The following SORCS2 variants were observed in gnomAD, a reference collection of about 807,000 sequenced individuals.
SORCS2 encodes VPS10 domain-containing receptor SorCS2.
A neutral mutation model predicts 141.6 loss-of-function variants in SORCS2; 100 were observed. The ratio of observed to expected loss-of-function variants is 0.71; its 90% confidence interval spans 0.60 to 0.83. SORCS2 has a LOEUF of 0.83. Ranked by LOEUF, SORCS2 falls within the 40% of genes least tolerant of loss-of-function variation. The pLI is 0.00. For synonymous variants in SORCS2, 789 were observed against 676.9 expected, an observed-to-expected ratio of 1.17 and a Z score of -2.57; for missense variants, 1,646 against 1,560.2, an observed-to-expected ratio of 1.05 and a Z score of -0.93.
chr4:7,687,650 C>T (rs1723961388), intron 10 of SORCS2, among the ~76,000 whole-genome samples: 2 of 152,192 alleles, frequency 1.3e-5, no homozygotes, highest in South Asian at 2.1e-4. Context: ...TCAGGATGTG[C>T]GTCTGCAATG....
chr4:7,197,110 G>A (rs1275422679), intron 1 of SORCS2, among the ~76,000 whole-genome samples: 1 of 152,124 alleles, frequency 6.6e-6, no homozygotes, highest in African/African-American at 2.4e-5. Flanking sequence ...TTCCTTCTGC[G>A]GCCTCTCTCC....
At position 7,298,152 on chromosome 4, in the gene SORCS2, C is replaced by T. The variant is rs933503930; in HGVS notation, c.481-98136C>T. Among the ~76,000 whole-genome samples, 5 of 152,170 alleles carry T rather than the reference C, an allele frequency of 3.3e-5. No individual in the cohort carries two copies. In the East Asian group the frequency reaches 9.7e-4, roughly 29 times the overall value. On this transcript the variant is annotated intron_variant, in intron 1 of 26. Transcript: ENST00000507866. ...GGGGACAGAGGGGAACAGAGCGTGGCCTTGGAGGCTGTGTGCACCGCAGGC... is the reference window on the plus strand; with the variant it reads ...GGGGACAGAGGGGAACAGAGCGTGGTCTTGGAGGCTGTGTGCACCGCAGGC...
intron 2 of SORCS2, among the ~76,000 whole-genome samples, chr4:7,495,461 C>T (rs190795680): frequency 6.6e-6 from 1 of 152,322 alleles, no homozygotes; most frequent in Non-Finnish European, 1.5e-5. Context: ...CCTTGCTTTC[C>T]CCATCCATCA....
chr4:7,623,684 C>T (rs1486861517), intron 3 of SORCS2, among the ~76,000 whole-genome samples: 1 of 152,174 alleles, frequency 6.6e-6, no homozygotes, highest in Non-Finnish European at 1.5e-5. Context: ...GGGCACCTCG[C>T]TGTCTCTATG....
At chr4:7,382,511 G>A (rs4689111) in intron 1 of SORCS2, among the ~76,000 whole-genome samples, 28,517 of 152,060 alleles carry the variant, frequency 0.19, 2,941 homozygotes, top group African/African-American at 0.26. Flanking sequence ...CCAGGGAGCC[G>A]GGAAGGCCTT....
chr4:7,642,856 G>A (rs1720835547), intron 4 of SORCS2, among the ~76,000 whole-genome samples: 1 of 152,178 alleles, frequency 6.6e-6, no homozygotes, highest in Non-Finnish European at 1.5e-5. Flanking sequence ...AGGGGGCAGA[G>A]GCTCCAGGGG....
At position 7,411,197 on chromosome 4, in the gene SORCS2, A is replaced by G. The variant is rs936051003; in HGVS notation, c.548+14842A>G. ...TCTCCGTCTCTTGAACTCGTGATCC[A>G]CCCACCTTGGCCTCCCAAAGTGCTG... On this transcript the variant is annotated intron_variant, in intron 2 of 26. Coordinates refer to ENST00000507866, the MANE Select transcript of SORCS2 (RefSeq NM_020777.3). 1.3e-4 allele frequency among the ~76,000 whole-genome samples: 19 copies of G among 151,492 alleles called. No individual in the cohort carries two copies. The East Asian group carries it at 2.9e-3, about 23-fold the overall frequency.
chr4:7,476,545 C>G (rs1730304053), intron 2 of SORCS2, among the ~76,000 whole-genome samples: 1 of 151,904 alleles, frequency 6.6e-6, no homozygotes, highest in Non-Finnish European at 1.5e-5. Flanking sequence ...ATAGCCTAGA[C>G]AGGTTGACAC....
chr4:7,336,267 G>T (rs1332804022), intron 1 of SORCS2, among the ~76,000 whole-genome samples: 1 of 152,174 alleles, frequency 6.6e-6, no homozygotes, highest in East Asian at 1.9e-4. Flanking sequence ...TCTGCTGAAG[G>T]GAGGAGAAGC....
chr4:7,424,673 C>A (rs982992952), intron 2 of SORCS2, among the ~76,000 whole-genome samples: 1 of 152,196 alleles, frequency 6.6e-6, no homozygotes, highest in African/African-American at 2.4e-5. Flanking sequence ...AGCAGCTCCC[C>A]AGCCCAGAGT....
chr4:7,374,129 CTCTTTCTTTCTTTCTT>C (rs1162945229), intron 1 of SORCS2, among the ~76,000 whole-genome samples: 233 of 51,854 alleles, frequency 4.5e-3, no homozygotes, highest in South Asian at 0.015. Context: ...CTTTCTTTCC[CTCTTTCTTTCTTTCTT>C]TCTTTCTTTC....
At chr4:7,224,947 C>G (rs982963257) in intron 1 of SORCS2, among the ~76,000 whole-genome samples, 1 of 152,188 alleles carries the variant, frequency 6.6e-6, no homozygotes. Flanking sequence ...GTAAACAGAC[C>G]GGTCTTCTCT....
At chr4:7,380,081 G>T (rs543355290) in intron 1 of SORCS2, among the ~76,000 whole-genome samples, 3 of 152,188 alleles carry the variant, frequency 2.0e-5, no homozygotes, top group South Asian at 4.2e-4. Context: ...CTTCAAAATG[G>T]GCTGGGTTAT....
rs1037231953 is a variant in SORCS2 at position 7,602,915 on chromosome 4, G to A, written c.649-35413G>A. On this transcript the variant is annotated intron_variant, in intron 3 of 26. Coordinates refer to ENST00000507866, the MANE Select transcript of SORCS2 (RefSeq NM_020777.3). ...ACTCCGTCTGCAATCCCGGCACCTC[G>A]GGAGGCCGAAGCTGGCAGATCACTC... Among the ~76,000 whole-genome samples the A allele has an allele frequency of 5.9e-5, 9 of 152,348 alleles. No homozygotes were observed. In the South Asian group the frequency reaches 1.0e-3, roughly 18 times the overall value.
At chr4:7,311,462 G>T (rs965298108) in intron 1 of SORCS2, among the ~76,000 whole-genome samples, 1 of 152,172 alleles carries the variant, frequency 6.6e-6, no homozygotes, top group Admixed American at 6.5e-5. Flanking sequence ...TCATCTCCGG[G>T]ATATGTTTAG....
chr4:7,726,583 T>C (rs1281572088), intron 20 of SORCS2, among the ~76,000 whole-genome samples, 197 bp from the exon 21 acceptor site: 2 of 151,482 alleles, frequency 1.3e-5, no homozygotes, highest in Non-Finnish European at 2.9e-5. Context: ...CAAAATAAAA[T>C]AAAATAAAAT....
intron 2 of SORCS2, among the ~76,000 whole-genome samples, chr4:7,475,137 G>A (rs892342974): frequency 2.6e-5 from 4 of 152,292 alleles, no homozygotes; most frequent in South Asian, 2.1e-4. Flanking sequence ...AGGGGCACCC[G>A]ATTCCACCAA....
chr4:7,467,279 C>G (rs1157449088), intron 2 of SORCS2, among the ~76,000 whole-genome samples: 1 of 152,190 alleles, frequency 6.6e-6, no homozygotes, highest in Non-Finnish European at 1.5e-5. Flanking sequence ...TTGTCCGTAT[C>G]CACTGTGGCC....
intron 3 of SORCS2, among the ~76,000 whole-genome samples, chr4:7,562,233 G>T (rs1287296894): frequency 6.6e-6 from 1 of 152,156 alleles, no homozygotes; most frequent in African/African-American, 2.4e-5. Flanking sequence ...GTGTCACAAT[G>T]TGCTCGACCC....
Sources: gnomAD v4.1 joint callset for allele counts (sites outside exome capture counted in the v4.1 genomes callset) on GRCh38, gnomAD v4.1.1 for gene constraint, MANE v1.5 for transcripts, NCBI Gene and HGNC (gene_info 2026-07-23, HGNC 2026-07-21) for gene names.